Variants in PCDH15 observed in about 807,000 individuals in gnomAD.
PCDH15 encodes protocadherin-15.
In PCDH15, 129 loss-of-function variants were observed where a neutral mutation model predicts 178.5. That is an observed-to-expected ratio of 0.72 (90% CI 0.63 to 0.84). The LOEUF (loss-of-function observed/expected upper bound fraction) is 0.84, where lower values mean the gene tolerates loss of function less well. Ranked by LOEUF, PCDH15 falls within the 40% of genes least tolerant of loss-of-function variation. The pLI, the probability that PCDH15 is intolerant of heterozygous loss-of-function variation, is 0.00. For missense variants in PCDH15, 2,230 were observed against 2,099.9 expected (o/e 1.06, Z -1.21); for synonymous variants, 800 against 732.0 (o/e 1.09, Z -1.50).
intron 2 of PCDH15, among the ~76,000 whole-genome samples, chr10:55,151,921 T>C (rs775125245): frequency 2.6e-4 from 40 of 151,914 alleles, no homozygotes; most frequent in Non-Finnish European, 4.9e-4. Context: ...ATGTGTTTTT[T>C]TATTAACAAG....
chr10:54,603,088 CTA>C (rs1313486112), intron 2 of PCDH15, among the ~76,000 whole-genome samples: 1 of 151,954 alleles, frequency 6.6e-6, no homozygotes, highest in Non-Finnish European at 1.5e-5. Context: ...CTGGACTATT[CTA>C]TTTCTTCTTC....
chr10:54,118,070 A>G (rs2095147139), intron 15 of PCDH15, among the ~76,000 whole-genome samples: 1 of 152,212 alleles, frequency 6.6e-6, no homozygotes, highest in Non-Finnish European at 1.5e-5. Flanking sequence ...AGTGAAAAAG[A>G]GCCCAAATAG....
At chr10:54,154,589 A>G (rs970841632) in intron 13 of PCDH15, among the ~76,000 whole-genome samples, 5 of 152,192 alleles carry the variant, frequency 3.3e-5, no homozygotes, top group Admixed American at 1.3e-4. Flanking sequence ...TCAAAAGTTC[A>G]TGTTTAATAT....
At chr10:53,991,297 A>G (rs1481189755) in intron 21 of PCDH15, among the ~76,000 whole-genome samples, 1 of 152,144 alleles carries the variant, frequency 6.6e-6, no homozygotes, top group Admixed American at 6.5e-5. Context: ...GGACTTGGAG[A>G]ACTTTTATGT....
chr10:54,791,002 TAAC>T (rs1382120981), intron 1 of PCDH15, among the ~76,000 whole-genome samples: 3 of 151,618 alleles, frequency 2.0e-5, no homozygotes, highest in Non-Finnish European at 3.0e-5. Flanking sequence ...AAAATAACAA[TAAC>T]AACAAAAATA....
chr10:55,219,861 C>T (rs1049091321), intron 1 of PCDH15, among the ~76,000 whole-genome samples: 4 of 142,966 alleles, frequency 2.8e-5, no homozygotes, highest in East Asian at 2.0e-4. Flanking sequence ...AATGTTAGGC[C>T]TAGCGATCCT....
At chr10:55,181,347 A>G (rs1839641459) in intron 1 of PCDH15, among the ~76,000 whole-genome samples, 1 of 152,018 alleles carries the variant, frequency 6.6e-6, no homozygotes, top group Non-Finnish European at 1.5e-5. Flanking sequence ...TACCAAAGTA[A>G]TGAGCTCTAC....
intron 25 of PCDH15, among the ~76,000 whole-genome samples, chr10:53,905,742 C>T (rs1290547305): frequency 6.6e-6 from 1 of 152,058 alleles, no homozygotes; most frequent in African/African-American, 2.4e-5. Context: ...ATGAAAGCTC[C>T]TTTGATTCAG....
chr10:55,328,505 A>G (rs557036312), intron 2 of PCDH15, among the ~76,000 whole-genome samples: 1 of 151,904 alleles, frequency 6.6e-6, no homozygotes, highest in East Asian at 1.9e-4. Flanking sequence ...TACAGTAAAA[A>G]TACGGTATTA....
chr10:53,938,752 C>A (rs563181260), intron 25 of PCDH15, 63 bp downstream of exon 25: 4 of 1,527,866 alleles, frequency 2.6e-6, no homozygotes, highest in Non-Finnish European at 3.6e-6. Context: ...ATAGGTATTT[C>A]ATTTAAAAAA....
At chr10:54,709,972 TATGTAATAAATATGTACTAGAC>T (rs1344091084) in intron 1 of PCDH15, among the ~76,000 whole-genome samples, 209 of 150,118 alleles carry the variant, frequency 1.4e-3, no homozygotes, top group Middle Eastern at 7.0e-3. Context: ...ATATGTAATA[TATGTAATAAATATGTACTAGAC>T]ATGTAATAAA....
intron 3 of PCDH15, among the ~76,000 whole-genome samples, chr10:54,846,275 T>C (rs371889102): frequency 1.3e-4 from 20 of 152,166 alleles, no homozygotes; most frequent in African/African-American, 4.3e-4. Flanking sequence ...ATTCTAAAGT[T>C]TAAAAGAATG....
chr10:53,907,873 C>T (rs1242993550), intron 25 of PCDH15, among the ~76,000 whole-genome samples: 1 of 152,138 alleles, frequency 6.6e-6, no homozygotes, highest in Admixed American at 6.5e-5. Context: ...TACCCATTAA[C>T]CTCAACTTGA....
chr10:54,622,239 C>A (rs1026388517), intron 2 of PCDH15, among the ~76,000 whole-genome samples: 1 of 151,218 alleles, frequency 6.6e-6, no homozygotes, highest in Non-Finnish European at 1.5e-5. Flanking sequence ...TATGTATCTA[C>A]CGGAGGAAAT....
intron 2 of PCDH15, among the ~76,000 whole-genome samples, chr10:55,448,377 A>G (rs1175742805): frequency 1.3e-5 from 2 of 152,036 alleles, no homozygotes; most frequent in African/African-American, 4.8e-5. Context: ...CTATATTTTC[A>G]AAGTACAATT....
In PCDH15 at chr10:54,045,283, G is replaced by T. The variant is rs1307096800; in HGVS notation, c.2220+21474C>A. 2.6e-5 allele frequency among the ~76,000 whole-genome samples: 4 copies of T among 152,226 alleles called. No individual in the cohort carries two copies. The East Asian group carries it at 7.7e-4, about 29-fold the overall frequency. ...CAAAGCTAGGCTCTGCTGCACTAGA[G>T]ATCCTGGTTTTCTGAAGACCGGGGT... On this transcript the variant is annotated intron_variant, in intron 18 of 37. Coordinates refer to ENST00000644397, the MANE Select transcript of PCDH15 (RefSeq NM_001384140.1).
intron 1 of PCDH15, among the ~76,000 whole-genome samples, chr10:55,283,279 G>A (rs1842779689): frequency 6.6e-6 from 1 of 152,004 alleles, no homozygotes; most frequent in Non-Finnish European, 1.5e-5. Flanking sequence ...AGCGCACGAG[G>A]ACAGCTTCAA....
chr10:54,481,660 A>C (rs1209858717), intron 3 of PCDH15, among the ~76,000 whole-genome samples: 2 of 151,820 alleles, frequency 1.3e-5, no homozygotes, highest in African/African-American at 4.8e-5. Flanking sequence ...TTTATATGTT[A>C]ACATTGGTAA....
At chr10:55,070,909 G>T (rs1417209860) in intron 2 of PCDH15, among the ~76,000 whole-genome samples, 2 of 152,116 alleles carry the variant, frequency 1.3e-5, no homozygotes, top group African/African-American at 4.8e-5. Flanking sequence ...CTTCCCATGA[G>T]CATGGAATGT....
Sources: gnomAD v4.1 joint callset for allele counts (sites outside exome capture counted in the v4.1 genomes callset) on GRCh38, gnomAD v4.1.1 for gene constraint, MANE v1.5 for transcripts, NCBI Gene and HGNC (gene_info 2026-07-23, HGNC 2026-07-21) for gene names.